UGT2B7: variants seen among roughly 807,000 people sequenced by gnomAD.
The protein encoded by UGT2B7 is UDP glucuronosyltransferase family 2 member B7, also known as UDP-glucuronosyltransferase 2B7.
In UGT2B7, 51 loss-of-function variants were observed where a neutral mutation model predicts 51.9. That is an observed-to-expected ratio of 0.98 (90% CI 0.78 to 1.24). The LOEUF is 1.24. UGT2B7 is among the 50% of genes most tolerant of loss of function. The pLI is 0.00. For synonymous variants in UGT2B7, 225 were observed against 211.6 expected (o/e 1.06, Z -0.55); for missense variants, 727 against 628.4 (o/e 1.16, Z -1.68).
intron 1 of UGT2B7, among the ~76,000 whole-genome samples, chr4:69,075,672 A>ACTCC (rs1226746689): frequency 2.3e-3 from 343 of 152,278 alleles, no homozygotes; most frequent in Middle Eastern, 0.01. Context: ...AGGCTACCCA[A>ACTCC]CACTCAGGCT....
At chr4:69,101,132 A>G (rs960340910) in intron 2 of UGT2B7, among the ~76,000 whole-genome samples, 1 of 152,062 alleles carries the variant, frequency 6.6e-6, no homozygotes, top group Non-Finnish European at 1.5e-5. Context: ...ACTGTCAGCC[A>G]TATTACAAAT....
upstream of UGT2B7, among the ~76,000 whole-genome samples, chr4:69,094,359 AGGATG>A (rs1484781972): frequency 1.9e-5 from 2 of 106,458 alleles, 1 homozygote; most frequent in Non-Finnish European, 3.6e-5. Flanking sequence ...CGTGTTAGCC[AGGATG>A]GTCTCGATCT....
chr4:69,096,914 T>G lies in UGT2B7; in HGVS notation c.394T>G (p.Ser132Ala), dbSNP rs1719251413. 1.2e-6 allele frequency: 2 copies of G among 1,611,868 alleles called. No individual in the cohort carries two copies. The highest frequency in any genetic ancestry group is 1.7e-6 in the Non-Finnish European group (2 of 1,179,464). Residue 132 changes from serine (S) to alanine (A), a missense_variant, in exon 1 of 6, where the codon TCA becomes GCA. Coordinates refer to ENST00000305231, the MANE Select transcript of UGT2B7 (RefSeq NM_001074.4). ...ITRKFCKDVV[S>A]NKKFMKKVQE... ...TAGAAAGTTCTGTAAAGATGTAGTT[T>G]CAAATAAGAAATTTATGAAAAAAGT...
intron 1 of UGT2B7, among the ~76,000 whole-genome samples, chr4:69,075,811 G>A (rs1479990387): frequency 2.0e-5 from 3 of 151,830 alleles, no homozygotes; most frequent in East Asian, 1.9e-4. Context: ...TTAAGTTCTG[G>A]GCTACATGTG....
At chr4:69,107,712 G>A (rs1358138862) in intron 4 of UGT2B7, among the ~76,000 whole-genome samples, 1 of 152,082 alleles carries the variant, frequency 6.6e-6, no homozygotes, top group African/African-American at 2.4e-5. Flanking sequence ...AGTGTGACCT[G>A]TCCTTCCTCA....
At chr4:69,093,879 C>T (rs865865226), upstream of UGT2B7, among the ~76,000 whole-genome samples, 3 of 152,074 alleles carry the variant, frequency 2.0e-5, no homozygotes, top group African/African-American at 4.8e-5. Flanking sequence ...TGCGAGTGCC[C>T]GTATGTTTCA....
chr4:69,072,845 GT>G (rs1718629500), intron 1 of UGT2B7, among the ~76,000 whole-genome samples: 1 of 152,118 alleles, frequency 6.6e-6, no homozygotes, highest in Non-Finnish European at 1.5e-5. Context: ...TTGAAAACTT[GT>G]AAAGCATAAA....
chr4:69,075,120 G>A (rs1457762910), intron 1 of UGT2B7, among the ~76,000 whole-genome samples: 3 of 152,098 alleles, frequency 2.0e-5, no homozygotes, highest in East Asian at 1.9e-4. Context: ...ATGTCCATAT[G>A]TAATGAATTT....
rs57468707 is a variant in UGT2B7 at position 69,052,274 on chromosome 4, C to A, written c.-159+672C>A. ...ACAGCTGTCTTTAGACCCCTTCCCC[C>A]CCAACAGTAGTTAAGAGAACAGCAG... On this transcript the variant is annotated intron_variant, in intron 1 of 5. Coordinates refer to the UGT2B7 transcript ENST00000502942. Among the ~76,000 whole-genome samples, 10 of 151,680 alleles carry A rather than the reference C, an allele frequency of 6.6e-5. 1 individual carries two copies. Among genetic ancestry groups the A allele is most frequent in the South Asian group, 2.1e-4 (1 of 4,808 alleles).
intron 1 of UGT2B7, among the ~76,000 whole-genome samples, 198 bp downstream of exon 1, chr4:69,097,439 A>G (rs1719279258): frequency 6.6e-6 from 1 of 152,086 alleles, no homozygotes; most frequent in Non-Finnish European, 1.5e-5. Flanking sequence ...CCCTGTGGCC[A>G]TCACTCACAC....
intron 1 of UGT2B7, among the ~76,000 whole-genome samples, chr4:69,074,559 C>A (rs1248558566): frequency 6.6e-6 from 1 of 151,742 alleles, no homozygotes; most frequent in Non-Finnish European, 1.5e-5. Context: ...TTGAGGAAAT[C>A]TTCAACATGT....
chr4:69,104,272 C>T (rs568140580), intron 3 of UGT2B7, among the ~76,000 whole-genome samples: 62 of 152,076 alleles, frequency 4.1e-4, no homozygotes, highest in African/African-American at 1.5e-3. Context: ...GGGCAAACCC[C>T]TCTCAAAACA....
At chr4:69,052,266 C>G (rs1410694184) in intron 1 of UGT2B7, among the ~76,000 whole-genome samples, 1 of 151,896 alleles carries the variant, frequency 6.6e-6, no homozygotes, top group Non-Finnish European at 1.5e-5. Context: ...TCTTTAGACC[C>G]CTTCCCCCCC....
intron 1 of UGT2B7, among the ~76,000 whole-genome samples, chr4:69,060,609 A>G (rs1171126984): frequency 6.6e-6 from 1 of 152,162 alleles, no homozygotes; most frequent in African/African-American, 2.4e-5. Flanking sequence ...AAGCCATAGG[A>G]TTGTGGCATC....
chr4:69,058,224 A>G (rs1200252359), intron 1 of UGT2B7, among the ~76,000 whole-genome samples: 2 of 152,042 alleles, frequency 1.3e-5, no homozygotes, highest in Non-Finnish European at 2.9e-5. Flanking sequence ...GAGGGAAGAG[A>G]CCCTTCCTCC....
chr4:69,062,650 G>C lies in UGT2B7; in HGVS notation c.-159+11048G>C, dbSNP rs998848579. 9.9e-5 allele frequency among the ~76,000 whole-genome samples: 15 copies of C among 152,270 alleles called. No homozygotes were observed. The East Asian group carries it at 2.3e-3, about 24-fold the overall frequency. On this transcript the variant is annotated intron_variant, in intron 1 of 5. Coordinates refer to the UGT2B7 transcript ENST00000502942. Reference sequence around the variant, plus strand: ...TAGACCATCTGACCCGAATGATCCTGCAATGAGACCACATTGCCAGTGGAG... The same window carrying C: ...TAGACCATCTGACCCGAATGATCCTCCAATGAGACCACATTGCCAGTGGAG...
chr4:69,078,440 G>A (rs1255508203), intron 1 of UGT2B7, among the ~76,000 whole-genome samples: 1 of 152,018 alleles, frequency 6.6e-6, no homozygotes, highest in African/African-American at 2.4e-5. Flanking sequence ...ACTTTTTTTG[G>A]TTGGTAGGCT....
intron 1 of UGT2B7, chr4:69,069,644 A>T (rs1718558775): frequency 1.9e-5 from 1 of 51,318 alleles, no homozygotes; most frequent in African/African-American, 1.9e-4. Context: ...CTTTAGCTGT[A>T]AAAAAAAAAT....
At chr4:69,095,561 C>T (rs963927863), upstream of UGT2B7, among the ~76,000 whole-genome samples, 4 of 152,164 alleles carry the variant, frequency 2.6e-5, no homozygotes, top group African/African-American at 7.2e-5. Context: ...GAACTATAGT[C>T]TTGTAACAGG....
Sources: gnomAD v4.1 joint callset for allele counts (sites outside exome capture counted in the v4.1 genomes callset) on GRCh38, gnomAD v4.1.1 for gene constraint, MANE v1.5 for transcripts, NCBI Gene and HGNC (gene_info 2026-07-23, HGNC 2026-07-21) for gene names.